Variants in FLG observed in about 807,000 individuals in gnomAD.
The protein encoded by FLG is filaggrin.
Under a neutral mutation model 3.8 loss-of-function variants are expected in FLG, and 6 were observed. The observed-to-expected ratio is 1.60, with a 90% CI of 0.87 to 3.15. FLG has a LOEUF of 3.15. Ranked by LOEUF, FLG falls within the 30% of genes most tolerant of loss-of-function variation. The pLI, the probability that FLG is intolerant of heterozygous loss-of-function variation, is 0.00. For synonymous variants in FLG, 2,551 were observed against 1,931.6 expected (o/e 1.32, Z -8.41); for missense variants, 7,595 against 5,050.9 (o/e 1.50, Z -15.27).
Position 152,311,920 on chromosome 1 carries a change from T to A in FLG, c.2966A>T (p.His989Leu). 6.2e-7 allele frequency: 1 copy of A among 1,614,116 alleles called. No homozygotes were observed. Among genetic ancestry groups the A allele is most frequent in the South Asian group, 1.1e-5 (1 of 91,076 alleles). ...GTGCCCGTGACCGGCTCTGTCTTCG[T>A]GATGGGACCTGGGGTGTCTGGAGCC... ...RHGSRHPRSH[H>L]EDRAGHGHSA... The change falls in exon 3 of 3, where the codon CAC (histidine) becomes CTC (leucine). Residue 989 changes from histidine (H) to leucine (L), a missense_variant. His to Leu is a moderately conservative substitution (Grantham distance 99). Transcript: ENST00000368799.
chr1:152,311,470 C>T lies in FLG; in HGVS notation c.3416G>A (p.Gly1139Glu), dbSNP rs577542948. Residue 1139 changes from glycine (G) to glutamate (E), a missense_variant, in exon 3 of 3, where the codon GGA becomes GAA. Gly to Glu is a moderately conservative substitution (Grantham distance 98). Transcript: ENST00000368799. Reference sequence around the variant, plus strand: ...CTCGTGGTGGGATCCTTGTCTTCGTCCAGTGCTGGTCCTGGTCCGCCCATG... The same window carrying T: ...CTCGTGGTGGGATCCTTGTCTTCGTTCAGTGCTGGTCCTGGTCCGCCCATG... ...SAHGRTRTST[G>E]RRQGSHHEQA... 3.1e-6 allele frequency: 5 copies of T among 1,613,920 alleles called. No individual in the cohort carries two copies. Among genetic ancestry groups the T allele is most frequent in the Non-Finnish European group, 3.4e-6 (4 of 1,179,958 alleles).
In FLG at chr1:152,304,246, C is replaced by A. The variant is rs146088912; in HGVS notation, c.10640G>T (p.Gly3547Val). The A allele has an allele frequency of 1.2e-6, 2 of 1,613,104 alleles. No individual in the cohort carries two copies. Among genetic ancestry groups the A allele is most frequent in the Non-Finnish European group, 8.5e-7 (1 of 1,179,726 alleles). The change falls in exon 3 of 3, where the codon GGA (glycine) becomes GTA (valine). Residue 3547 changes from glycine to valine, a missense_variant. Coordinates refer to ENST00000368799, the MANE Select transcript of FLG (RefSeq NM_002016.2). Reference protein sequence around the residue: ...SSVSQDSDSQGHSEDSERWSG... With the variant: ...SSVSQDSDSQVHSEDSERWSG... Reference sequence around the variant, plus strand: ...CCACCTCTCAGAGTCTTCTGAGTGTCCCTGACTGTCACTGTCCTGGCTAAC... The same window carrying A: ...CCACCTCTCAGAGTCTTCTGAGTGTACCTGACTGTCACTGTCCTGGCTAAC...
chr1:152,314,086 G>T lies in FLG; in HGVS notation c.800C>A (p.Ser267Ter), dbSNP rs1288281907. The T allele has an allele frequency of 6.2e-7, 1 of 1,614,168 alleles. No individual in the cohort carries two copies. The highest frequency in any genetic ancestry group is 1.7e-5 in the Admixed American group (1 of 60,018). Residue 267 changes from serine to a stop codon, truncating the protein, a stop_gained, in exon 3 of 3, where the codon TCA becomes TAA. Transcript: ENST00000368799. LOFTEE classifies it low-confidence loss of function (END_TRUNC). Reference sequence around the variant, plus strand: ...TCTTGACCTGTTCACTTGAGATGATGATTTGCCATCAGATGACCTTGATCT... The same window carrying T: ...TCTTGACCTGTTCACTTGAGATGATTATTTGCCATCAGATGACCTTGATCT... ...YERSRSSDGKSSSQVNRSRHE... is the reference protein window; with the variant it reads ...YERSRSSDGK
rs749473815 is a variant in FLG, at chr1:152,307,618, T to G, written c.7268A>C (p.Gln2423Pro). The change falls in exon 3 of 3, where the codon CAG becomes CCG. Residue 2423 changes from glutamine to proline, a missense_variant. Coordinates refer to ENST00000368799, the MANE Select transcript of FLG (RefSeq NM_002016.2). ...SFLYQVSTHE[Q>P]SESAHGRTGT... ...GGTCCGTCCATGGGCGGACTCAGAC[T>G]GTTCATGAGTGCTCACCTGGTAGAG... 2.9e-5 allele frequency: 46 copies of G among 1,613,144 alleles called. No homozygotes were observed. Among genetic ancestry groups the G allele is most frequent in the Middle Eastern group, 1.6e-4 (1 of 6,082 alleles).
chr1:152,303,372 G>C lies in FLG; in HGVS notation c.11514C>G (p.Asp3838Glu), dbSNP rs765093705. 1 of 1,614,130 alleles carries C rather than the reference G, an allele frequency of 6.2e-7. No individual in the cohort carries two copies. Among genetic ancestry groups the C allele is most frequent in the South Asian group, 1.1e-5 (1 of 91,074 alleles). The change falls in exon 3 of 3, where the codon GAC (aspartate) becomes GAG (glutamate). Residue 3838 changes from aspartate to glutamate, a missense_variant. Physicochemically the swap from Asp to Glu is conservative, Grantham distance 45. Coordinates refer to ENST00000368799, the MANE Select transcript of FLG (RefSeq NM_002016.2). The part of the protein sequence containing the change: ...SRHHEASTQA[D>E]SSRHSQSGQG... ...GGCCGGACTGTGAGTGTCTAGAGCT[G>C]TCAGCCTGAGTGGAAGCTTCATGGT...
At position 152,303,130 on chromosome 1, in the gene FLG, T is replaced by C; in HGVS notation, c.11756A>G (p.Gln3919Arg). Reference protein sequence around the residue: ...TASHVQSSPVQSDSSTAKEHG... With the variant: ...TASHVQSSPVRSDSSTAKEHG... ...TTCCTTAGCGGTACTAGAGTCTGACTGTACAGGTGAAGACTGTACATGACT... is the reference window on the plus strand; with the variant it reads ...TTCCTTAGCGGTACTAGAGTCTGACCGTACAGGTGAAGACTGTACATGACT... The change falls in exon 3 of 3, where the codon CAG (glutamine) becomes CGG (arginine). Residue 3919 changes from glutamine (Q) to arginine (R), a missense_variant. By Grantham distance (43) the Gln-to-Arg change is conservative. Coordinates refer to ENST00000368799, the MANE Select transcript of FLG (RefSeq NM_002016.2). 2 of 1,614,228 alleles carry C rather than the reference T, an allele frequency of 1.2e-6. No individual in the cohort carries two copies. The highest frequency in any genetic ancestry group is 1.7e-6 in the Non-Finnish European group (2 of 1,180,032).
At position 152,313,655 on chromosome 1, in the gene FLG, C is replaced by T. The variant is rs149884927; in HGVS notation, c.1231G>A (p.Asp411Asn). ...GRGQASSAVS[D>N]RGHRGSSGSQ... The stretch of plus-strand genomic sequence containing the variant: ...CCGCTAGACCCCCGGTGTCCACGAT[C>T]GCTGACTGCAGATGAAGCTTGCCCG... The change falls in exon 3 of 3, where the codon GAT (aspartate) becomes AAT (asparagine). Residue 411 changes from aspartate (D) to asparagine (N), a missense_variant. Transcript: ENST00000368799. 1.4e-5 allele frequency: 23 copies of T among 1,613,750 alleles called. No homozygotes were observed. The highest frequency in any genetic ancestry group is 1.6e-4 in the Middle Eastern group (1 of 6,084).
At position 152,309,149 on chromosome 1, in the gene FLG, T is replaced by C; in HGVS notation, c.5737A>G (p.Asn1913Asp). 1 of 1,611,934 alleles carries C rather than the reference T, an allele frequency of 6.2e-7. No individual in the cohort carries two copies. The highest frequency in any genetic ancestry group is 8.5e-7 in the Non-Finnish European group (1 of 1,179,578). ...GQSSGPRTSRNQGSSVSQDSD... is the reference protein window; with the variant it reads ...GQSSGPRTSRDQGSSVSQDSD... ...TCCTGGCTAACACTGGATCCCTGGT[T>C]CCTGCTTGTCCTGGGCCCTGATGAT... The change falls in exon 3 of 3, where the codon AAC becomes GAC. Residue 1913 changes from asparagine (N) to aspartate (D), a missense_variant. Coordinates refer to ENST00000368799, the MANE Select transcript of FLG (RefSeq NM_002016.2).
rs750417691 is a variant in FLG, at chr1:152,311,734, C to T, written c.3152G>A (p.Arg1051His). The change falls in exon 3 of 3, where the codon CGC becomes CAC. Residue 1051 changes from arginine to histidine, a missense_variant. Transcript: ENST00000368799. ...TCTGACTGCAGATGAAGCTTGTCTGCGCGGAATGCCTGAGTGTCTGGAGCT... is the reference window on the plus strand; with the variant it reads ...TCTGACTGCAGATGAAGCTTGTCTGTGCGGAATGCCTGAGTGTCTGGAGCT... ...ADSSRHSGIPRRQASSAVRDS... is the reference protein window; with the variant it reads ...ADSSRHSGIPHRQASSAVRDS... 133 of 1,613,738 alleles carry T rather than the reference C, an allele frequency of 8.2e-5. No individual in the cohort carries two copies. The highest frequency in any genetic ancestry group is 9.6e-5 in the Non-Finnish European group (113 of 1,179,982).
At chr1:152,318,777 G>A (rs995022610) in intron 1 of FLG, among the ~76,000 whole-genome samples, 2 of 151,792 alleles carry the variant, frequency 1.3e-5, no homozygotes, top group African/African-American at 4.8e-5. Flanking sequence ...ATATAGTAGT[G>A]AACAAGATAG....
chr1:152,309,461 C>A lies in FLG; in HGVS notation c.5425G>T (p.Gly1809Cys), dbSNP rs764317594. 2 of 1,612,896 alleles carry A rather than the reference C, an allele frequency of 1.2e-6. No individual in the cohort carries two copies. The highest frequency in any genetic ancestry group is 3.4e-5 in the Admixed American group (2 of 59,670). ...DSSRHSASQE[G>C]QDTIRGHPGS... ...GGGTGTCCACGAATGGTGTCCTGAC[C>A]CTCTTGGGACGCTGAGTGCCTGGAG... Residue 1809 changes from glycine (G) to cysteine (C), a missense_variant, in exon 3 of 3, where the codon GGT becomes TGT. Transcript: ENST00000368799.
At position 152,313,043 on chromosome 1, in the gene FLG, T is replaced by C. The variant is rs778812697; in HGVS notation, c.1843A>G (p.Arg615Gly). The C allele has an allele frequency of 8.7e-6, 14 of 1,614,024 alleles. No homozygotes were observed. The highest frequency in any genetic ancestry group is 1.0e-5 in the Non-Finnish European group (12 of 1,180,006). Residue 615 changes from arginine (R) to glycine (G), a missense_variant, in exon 3 of 3, where the codon AGG becomes GGG. Transcript: ENST00000368799. ...TGGCTAACACTGGATCCCTGGTTCC[T>C]ACTTGTCCTGGGCCCCGATGATTGT... is the stretch of plus-strand genomic sequence containing the variant. ...QGQSSGPRTS[R>G]NQGSSVSQDS...
Position 152,308,175 on chromosome 1 carries a change from C to A in FLG, c.6711G>T (p.Arg2237Ser), listed in dbSNP as rs756845204. The change falls in exon 3 of 3, where the codon AGG becomes AGT. Residue 2237 changes from arginine (R) to serine (S), a missense_variant. By Grantham distance (110) the Arg-to-Ser change is moderately radical. Transcript: ENST00000368799. ...QGQSSGPRTS[R>S]PRGSSVSQDS... ...CCTGGCTAACACTGGATCCCCGGGG[C>A]CTGCTTGTCCTGGGCCCTGATGATT... The A allele has an allele frequency of 1.7e-5, 28 of 1,613,890 alleles. No homozygotes were observed. The highest frequency in any genetic ancestry group is 2.2e-5 in the Non-Finnish European group (26 of 1,179,964).
Position 152,311,987 on chromosome 1 carries a change from A to T in FLG, c.2899T>A (p.Ser967Thr), listed in dbSNP as rs1457127017. ...TGAGCAGATCCACGATGGTTTCTGG[A>T]AGCAGACCCAGACCACCTCTCAGAG... ...EDSERWSGSASRNHRGSAQEQ... is the reference protein window; with the variant it reads ...EDSERWSGSATRNHRGSAQEQ... Residue 967 changes from serine to threonine, a missense_variant, in exon 3 of 3, where the codon TCC becomes ACC. By Grantham distance (58) the Ser-to-Thr change is moderately conservative. Coordinates refer to ENST00000368799, the MANE Select transcript of FLG (RefSeq NM_002016.2). 6.2e-7 allele frequency: 1 copy of T among 1,613,826 alleles called. No homozygotes were observed. Among genetic ancestry groups the T allele is most frequent in the Admixed American group, 1.7e-5 (1 of 60,004 alleles).
rs370333585 is a variant in FLG, at chr1:152,310,089, G to C, written c.4797C>G (p.Asp1599Glu). Residue 1599 changes from aspartate to glutamate, a missense_variant, in exon 3 of 3, where the codon GAC becomes GAG. By Grantham distance (45) the Asp-to-Glu change is conservative (BLOSUM62 2). Transcript: ENST00000368799. Reference sequence around the variant, plus strand: ...CAGAGTCTTCTGAGTGTCCCTCACTGTCCCTGTCCTGACTAACACTGGATC... The same window carrying C: ...CAGAGTCTTCTGAGTGTCCCTCACTCTCCCTGTCCTGACTAACACTGGATC... ...RQGSSVSQDR[D>E]SEGHSEDSER... is the part of the protein sequence containing the mutation. The C allele has an allele frequency of 1.2e-6, 2 of 1,613,832 alleles. No individual in the cohort carries two copies. Among genetic ancestry groups the C allele is most frequent in the Admixed American group, 1.7e-5 (1 of 59,978 alleles).
rs757361710 is a variant in FLG, at chr1:152,312,368, T to C, written c.2518A>G (p.Thr840Ala). ...RHSASQDGQD[T>A]IRGHPGSSRR... ...CTTGACCCCGGGTGTCCACGAATGGTGTCCTGACCATCTTGGGATGCTGAG... is the reference window on the plus strand; with the variant it reads ...CTTGACCCCGGGTGTCCACGAATGGCGTCCTGACCATCTTGGGATGCTGAG... Residue 840 changes from threonine to alanine, a missense_variant, in exon 3 of 3, where the codon ACC (threonine) becomes GCC (alanine). By Grantham distance (58) the Thr-to-Ala change is moderately conservative (BLOSUM62 0). Transcript: ENST00000368799. 2 of 1,611,622 alleles carry C rather than the reference T, an allele frequency of 1.2e-6. No homozygotes were observed. The highest frequency in any genetic ancestry group is 1.1e-5 in the South Asian group (1 of 90,912).
chr1:152,309,389 C>A lies in FLG; in HGVS notation c.5497G>T (p.Val1833Leu). 1 of 1,613,794 alleles carries A rather than the reference C, an allele frequency of 6.2e-7. No individual in the cohort carries two copies. Among genetic ancestry groups the A allele is most frequent in the South Asian group, 1.1e-5 (1 of 91,054 alleles). The part of the protein sequence containing the change: ...GRQGSHYEQS[V>L]DSSGHSGSHH... ...GACCCTGAGTGTCCAGAACTATCTA[C>A]CGATTGCTCATAGTGGGATCCCTGC... Residue 1833 changes from valine to leucine, a missense_variant, in exon 3 of 3, where the codon GTA becomes TTA. By Grantham distance (32) the Val-to-Leu change is conservative (BLOSUM62 1). Coordinates refer to ENST00000368799, the MANE Select transcript of FLG (RefSeq NM_002016.2).
In FLG at chr1:152,305,543, C is replaced by T; in HGVS notation, c.9343G>A (p.Gly3115Arg). 1 of 1,531,910 alleles carries T rather than the reference C, an allele frequency of 6.5e-7. No homozygotes were observed. The highest frequency in any genetic ancestry group is 2.5e-5 in the East Asian group (1 of 40,298). The allele number at this position is 1,531,910 out of a possible 1,614,324, so 94.9% of individuals were successfully genotyped here. Residue 3115 changes from glycine (G) to arginine (R), a missense_variant, in exon 3 of 3, where the codon GGG becomes AGG. By Grantham distance (125) the Gly-to-Arg change is moderately radical. Coordinates refer to ENST00000368799, the MANE Select transcript of FLG (RefSeq NM_002016.2). ...CCCTGCCTTCCTCCTCTGCTTGACC[C>T]CGGGTGTCCACGAATGGTGTCCTGA... ...YGQDTIRGHP[G>R]SSRGGRQGYH...
rs3126082 is a variant in FLG, at chr1:152,314,831, C to G, written c.139-84G>C. The G allele has an allele frequency of 0.018, 28,804 of 1,561,218 alleles. 4,518 individuals carry two copies. The African/African-American group carries it at 0.35, about 19-fold the overall frequency. ...ATTAATTCAAAGTTAATTTAAGGAA[C>G]CTGATCTTTGAGTATTAAAAAGTGG... On this transcript the variant is annotated intron_variant, in intron 2 of 2. Transcript: ENST00000368799.
Sources: gnomAD v4.1 joint callset for allele counts (sites outside exome capture counted in the v4.1 genomes callset) on GRCh38, gnomAD v4.1.1 for gene constraint, MANE v1.5 for transcripts, NCBI Gene and HGNC (gene_info 2026-07-23, HGNC 2026-07-21) for gene names.